PPP6R2: variants seen among roughly 807,000 people sequenced by gnomAD.
PPP6R2 encodes serine/threonine-protein phosphatase 6 regulatory subunit 2.
In PPP6R2, 62 loss-of-function variants were observed where a neutral mutation model predicts 100.2. The observed-to-expected ratio is 0.62, with a 90% CI of 0.50 to 0.76. The LOEUF is 0.76. Among genes scored for constraint, PPP6R2 ranks in the 30% least tolerant of loss-of-function variants. PPP6R2 has a pLI of 0.00. For missense variants in PPP6R2, 1,142 were observed against 1,276.3 expected (o/e 0.89, Z 1.60); for synonymous variants, 525 against 514.7 (o/e 1.02, Z -0.27).
intron 10 of PPP6R2, among the ~76,000 whole-genome samples, chr22:50,427,877 C>A (rs2334096): frequency 6.6e-6 from 1 of 151,614 alleles, no homozygotes; most frequent in Admixed American, 6.6e-5. Flanking sequence ...CCTGCTACCT[C>A]GCGTGGCTAA....
intron 2 of PPP6R2, among the ~76,000 whole-genome samples, chr22:50,386,912 G>C (rs1340271262): frequency 6.6e-6 from 1 of 152,132 alleles, no homozygotes; most frequent in Non-Finnish European, 1.5e-5. Context: ...GGGACAAGTA[G>C]AATGTCCCCC....
rs370761407 is a variant in PPP6R2, at chr22:50,431,122, C to T, written c.1126-51C>T. ...GTTTCCCTCAGCTTTGTGGTGTAGC[C>T]GGCAGGAGAAAACCGATCTAAGAAC... On this transcript the variant is annotated intron_variant, in intron 10 of 23. Coordinates refer to ENST00000612753, the MANE Select transcript of PPP6R2 (RefSeq NM_001242898.2). This position sits in a 1 kb window ranked among gnomAD's most constrained non-coding sequence, Gnocchi z 4.8. The T allele has an allele frequency of 1.5e-5, 22 of 1,455,614 alleles. No individual in the cohort carries two copies. The highest frequency in any genetic ancestry group is 1.4e-4 in the African/African-American group (10 of 71,572). 90.2% of individuals were successfully genotyped at this position (1,455,614 alleles called of 1,614,324 possible).
At chr22:50,339,398 G>T (rs2042342931), upstream of PPP6R2, among the ~76,000 whole-genome samples, 3 of 141,568 alleles carry the variant, frequency 2.1e-5, no homozygotes, top group African/African-American at 5.3e-5. Context: ...TGTGTGTGTG[G>T]TATGTGGTGT....
chr22:50,354,097 G>A (rs1472547845), intron 1 of PPP6R2, among the ~76,000 whole-genome samples: 3 of 152,034 alleles, frequency 2.0e-5, no homozygotes, highest in Admixed American at 2.0e-4. Context: ...CTGGGGTCCG[G>A]AGTTTGAGAC....
chr22:50,437,003 C>T lies in PPP6R2; in HGVS notation c.1618C>T (p.Leu540Phe). 1.3e-6 allele frequency: 2 copies of T among 1,558,646 alleles called. No homozygotes were observed. Among genetic ancestry groups the T allele is most frequent in the Non-Finnish European group, 1.7e-6 (2 of 1,151,290 alleles). ...TGTGTTTTAGGTGAGCACTCACCAC[C>T]TTCACTCCTCAAGTGAGGACGAGGA... The part of the protein sequence containing the change: ...NTVDLVSTHH[L>F]HSSSEDEDIE... The change falls in exon 15 of 24, where the codon CTT (leucine) becomes TTT (phenylalanine). Residue 540 changes from leucine to phenylalanine, a missense_variant. By Grantham distance (22) the Leu-to-Phe change is conservative (BLOSUM62 0). Around this residue, in one of 2 missense-constraint regions of PPP6R2, gnomAD observed 592 missense variants for 758.9 expected, o/e 0.78. Transcript: ENST00000612753.
chr22:50,332,045 G>T, the PPP6R2 span, among the ~76,000 whole-genome samples: 3 of 152,072 alleles, frequency 2.0e-5, no homozygotes, highest in Admixed American at 1.3e-4. Context: ...GATTACAGGT[G>T]CATGCCACCA....
At position 50,444,568 on chromosome 22, in the gene PPP6R2, C is replaced by T; in HGVS notation, c.*321C>T. ...GGGGGGGCAGGACCCTGAGATGCCACCAGGACCTGATGGGCCAGGAAGGGC... is the reference window on the plus strand; with the variant it reads ...GGGGGGGCAGGACCCTGAGATGCCATCAGGACCTGATGGGCCAGGAAGGGC... On this transcript the variant is annotated 3_prime_UTR_variant, in exon 24 of 24. Coordinates refer to ENST00000612753, the MANE Select transcript of PPP6R2 (RefSeq NM_001242898.2). 2.9e-6 allele frequency: 1 copy of T among 347,954 alleles called. No individual in the cohort carries two copies. Among genetic ancestry groups the T allele is most frequent in the Non-Finnish European group, 5.2e-6 (1 of 192,888 alleles). 21.6% of individuals were successfully genotyped at this position (347,954 alleles called of 1,614,324 possible).
chr22:50,412,430 C>T (rs2059880522), intron 4 of PPP6R2, among the ~76,000 whole-genome samples: 1 of 151,946 alleles, frequency 6.6e-6, no homozygotes, highest in South Asian at 2.1e-4. Context: ...GATCCGCCTG[C>T]CTTGACCTCC....
intron 3 of PPP6R2, among the ~76,000 whole-genome samples, chr22:50,399,116 C>T (rs911077261): frequency 8.5e-5 from 13 of 152,048 alleles, no homozygotes; most frequent in African/African-American, 2.9e-4. Context: ...GCGTGGTGGC[C>T]GGTGCCTGTA....
chr22:50,388,920 T>C (rs1019524324), intron 2 of PPP6R2: 2 of 151,268 alleles, frequency 1.3e-5, no homozygotes, highest in African/African-American at 4.9e-5. Context: ...AGACAGGTAA[T>C]AGGGCATTTC....
intron 16 of PPP6R2, 35 bp from the exon 17 acceptor site, chr22:50,437,808 G>A (rs1457728335): frequency 6.4e-7 from 1 of 1,550,864 alleles, no homozygotes; most frequent in Non-Finnish European, 8.7e-7. Context: ...AGTGGGCCTG[G>A]AGGAACGCTG....
rs2065453631 is a variant in PPP6R2 at position 50,440,999 on chromosome 22, T to C, written c.2552T>C (p.Val851Ala). Residue 851 changes from valine (V) to alanine (A), a missense_variant, in exon 22 of 24, where the codon GTG becomes GCG. By Grantham distance (64) the Val-to-Ala change is moderately conservative. Around this residue, in one of 2 missense-constraint regions of PPP6R2, gnomAD observed 550 missense variants for 517.4 expected, o/e 1.06. Coordinates refer to ENST00000612753, the MANE Select transcript of PPP6R2 (RefSeq NM_001242898.2). ...CGGGAGGCCCCCCCGCTGCCCACAG[T>C]GGCCAGGACAGAGGAGGCTGTCGGC... ...PGREAPPLPTVARTEEAVGRV... is the reference protein window; with the variant it reads ...PGREAPPLPTAARTEEAVGRV... The C allele has an allele frequency of 2.5e-6, 4 of 1,605,060 alleles. No homozygotes were observed. The highest frequency in any genetic ancestry group is 3.4e-6 in the Non-Finnish European group (4 of 1,174,622).
At chr22:50,430,331 C>T (rs1457618038) in intron 10 of PPP6R2, among the ~76,000 whole-genome samples, 12 of 152,200 alleles carry the variant, frequency 7.9e-5, no homozygotes, top group Admixed American at 6.5e-4. Flanking sequence ...GTGTGGTGGA[C>T]GATATGCACA....
At chr22:50,348,573 GGC>G (rs2148006565) in intron 1 of PPP6R2, among the ~76,000 whole-genome samples, 1 of 152,248 alleles carries the variant, frequency 6.6e-6, no homozygotes, top group African/African-American at 2.4e-5. Context: ...GTGGTGTCAG[GGC>G]TGGGGGTGTT....
At chr22:50,422,206 G>A in intron 8 of PPP6R2, 48 bp from the exon 9 acceptor site, 1 of 1,589,522 alleles carries the variant, frequency 6.3e-7, no homozygotes, top group South Asian at 1.1e-5. Context: ...GGTGAGGTTG[G>A]ACAGGGTCCT....
upstream of PPP6R2, among the ~76,000 whole-genome samples, chr22:50,340,473 GTC>G (rs1309263924): frequency 7.5e-6 from 1 of 133,376 alleles, no homozygotes; most frequent in African/African-American, 2.8e-5. Context: ...TGTGGTGTGT[GTC>G]TCGGGTGTGT....
At chr22:50,341,731 A>T (rs989252139), upstream of PPP6R2, among the ~76,000 whole-genome samples, 3 of 151,282 alleles carry the variant, frequency 2.0e-5, no homozygotes, top group South Asian at 6.4e-4. Context: ...GCGGCGGCTC[A>T]GGCCTGTAAT....
At chr22:50,382,343 A>C (rs746557685) in intron 2 of PPP6R2, among the ~76,000 whole-genome samples, 3 of 152,164 alleles carry the variant, frequency 2.0e-5, no homozygotes, top group African/African-American at 4.8e-5. Flanking sequence ...TCATGCCTGT[A>C]ATCCCAGCAC....
chr22:50,384,581 T>C (rs2053822675), intron 2 of PPP6R2, among the ~76,000 whole-genome samples: 1 of 152,090 alleles, frequency 6.6e-6, no homozygotes, highest in African/African-American at 2.4e-5. Context: ...AGAAATTTAT[T>C]TCATATGGTT....
Sources: gnomAD v4.1 joint callset for allele counts (sites outside exome capture counted in the v4.1 genomes callset) on GRCh38, gnomAD v4.1.1 for gene constraint, gnomAD v4.1.1 regional missense constraint, Gnocchi (gnomAD v3.1) non-coding constraint, MANE v1.5 for transcripts, NCBI Gene and HGNC (gene_info 2026-07-23, HGNC 2026-07-21) for gene names.